FTO: variants seen among roughly 807,000 people sequenced by gnomAD.
FTO encodes the protein alpha-ketoglutarate-dependent dioxygenase FTO.
A neutral mutation model predicts 63.9 loss-of-function variants in FTO; 47 were observed. That is an observed-to-expected ratio of 0.74 (90% CI 0.58 to 0.94). The LOEUF (loss-of-function observed/expected upper bound fraction) is 0.94. Among genes scored for constraint, FTO ranks in the 40% least tolerant of loss-of-function variants. The pLI, the probability that FTO is intolerant of heterozygous loss-of-function variation, is 0.00. For missense variants in FTO, 562 were observed against 618.1 expected (o/e 0.91, Z 0.96); for synonymous variants, 207 against 224.4 (o/e 0.92, Z 0.69).
intron 7 of FTO, among the ~76,000 whole-genome samples, chr16:53,927,108 A>G (rs561556135): frequency 1.3e-5 from 2 of 152,346 alleles, no homozygotes; most frequent in South Asian, 4.2e-4. Flanking sequence ...TTGAAGCAGG[A>G]AAATTAATGA....
chr16:54,058,539 C>T (rs200341660), intron 8 of FTO, among the ~76,000 whole-genome samples: 3 of 152,158 alleles, frequency 2.0e-5, no homozygotes, highest in Admixed American at 2.0e-4. Flanking sequence ...CCAGTAATCC[C>T]GTCAAGAGGT....
At chr16:54,007,337 TG>T (rs1260358719) in intron 8 of FTO, among the ~76,000 whole-genome samples, 1 of 152,004 alleles carries the variant, frequency 6.6e-6, no homozygotes, top group Admixed American at 6.6e-5. Flanking sequence ...CAAAAAAGAA[TG>T]GTCGTGTAGT....
At chr16:53,867,534 T>A (rs2080358092) in intron 4 of FTO, among the ~76,000 whole-genome samples, 1 of 152,078 alleles carries the variant, frequency 6.6e-6, no homozygotes, top group African/African-American at 2.4e-5. Flanking sequence ...TGTGTTTGTG[T>A]GTACCTATGT....
chr16:53,834,375 G>A (rs1462735136), intron 3 of FTO, among the ~76,000 whole-genome samples: 2 of 152,132 alleles, frequency 1.3e-5, no homozygotes, highest in Admixed American at 6.6e-5. Context: ...GAGAACAGTG[G>A]AATAGACTTT....
At chr16:53,971,675 A>G (rs966060511) in intron 8 of FTO, among the ~76,000 whole-genome samples, 3 of 152,196 alleles carry the variant, frequency 2.0e-5, no homozygotes, top group African/African-American at 7.2e-5. Flanking sequence ...GCCTTCCTCT[A>G]GGGGACCCCC....
At chr16:53,771,325 C>A (rs1006776861) in intron 1 of FTO, among the ~76,000 whole-genome samples, 1 of 152,178 alleles carries the variant, frequency 6.6e-6, no homozygotes, top group Non-Finnish European at 1.5e-5. Context: ...TTCCACATTT[C>A]ACCCATCAGC....
In FTO at chr16:53,876,643, C is replaced by T. The variant is rs148392346; in HGVS notation, c.975+2778C>T. 6.4e-3 allele frequency among the ~76,000 whole-genome samples: 976 copies of T among 152,286 alleles called. 13 individuals are homozygous for T. Among genetic ancestry groups the T allele is most frequent in the African/African-American group, 0.022 (908 of 41,572 alleles). On this transcript the variant is annotated intron_variant, in intron 5 of 8. Coordinates refer to ENST00000471389, the MANE Select transcript of FTO (RefSeq NM_001080432.3). The stretch of plus-strand genomic sequence containing the variant: ...GCAAAGGAATCGAATTAACATGTCA[C>T]AGGCTGGGTGCAGTGGCTCATGCCT...
chr16:53,840,625 A>G (rs774129411), intron 3 of FTO, among the ~76,000 whole-genome samples: 10 of 152,220 alleles, frequency 6.6e-5, no homozygotes, highest in Non-Finnish European at 1.0e-4. Flanking sequence ...ATGAATGGGC[A>G]TGACTGTGTT....
At chr16:53,941,082 ACACTGAGGTGT>A (rs2082517823) in intron 8 of FTO, among the ~76,000 whole-genome samples, 1 of 152,220 alleles carries the variant, frequency 6.6e-6, no homozygotes, top group Non-Finnish European at 1.5e-5. Flanking sequence ...ATCAACTAGC[ACACTGAGGTGT>A]TCTCCACCGG....
intron 1 of FTO, among the ~76,000 whole-genome samples, chr16:53,735,951 T>G (rs2076382305): frequency 6.6e-6 from 1 of 152,198 alleles, no homozygotes; most frequent in Admixed American, 6.5e-5. Flanking sequence ...TGCCTCTGCT[T>G]TAGTTTCTTA....
intron 1 of FTO, among the ~76,000 whole-genome samples, chr16:53,728,494 T>C (rs2076201061): frequency 6.6e-6 from 1 of 152,180 alleles, no homozygotes; most frequent in African/African-American, 2.4e-5. Context: ...GGCCCTGGTC[T>C]AAGTTCTAGG....
chr16:53,721,837 TA>T, intron 1 of FTO, among the ~76,000 whole-genome samples: 1 of 152,282 alleles, frequency 6.6e-6, no homozygotes, highest in East Asian at 1.9e-4. Flanking sequence ...TCTGACCCCA[TA>T]TTTTTTTTAA....
chr16:53,835,374 A>C (rs1396333167), intron 3 of FTO, among the ~76,000 whole-genome samples: 1 of 152,136 alleles, frequency 6.6e-6, no homozygotes, highest in Non-Finnish European at 1.5e-5. Flanking sequence ...CATGTCCTAC[A>C]ATGTTTTCTT....
At chr16:54,020,426 C>A (rs2084562611) in intron 8 of FTO, among the ~76,000 whole-genome samples, 1 of 152,192 alleles carries the variant, frequency 6.6e-6, no homozygotes, top group Non-Finnish European at 1.5e-5. Context: ...GAAGCACCTA[C>A]TGTACTTGTG....
At position 54,077,104 on chromosome 16, in the gene FTO, A is replaced by T. The variant is rs111578442; in HGVS notation, c.1365-34658A>T. Reference sequence around the variant, plus strand: ...CTCCAGGCTAAGACTGCCCTCAAAGAAATCTTAAAAATCATGGATTGATTT... The same window carrying T: ...CTCCAGGCTAAGACTGCCCTCAAAGTAATCTTAAAAATCATGGATTGATTT... On this transcript the variant is annotated intron_variant, in intron 8 of 8. Transcript: ENST00000471389. 4.2e-3 allele frequency among the ~76,000 whole-genome samples: 642 copies of T among 152,332 alleles called. 2 individuals are homozygous for T. The highest frequency in any genetic ancestry group is 6.9e-3 in the Non-Finnish European group (468 of 68,028).
Position 53,754,052 on chromosome 16 carries a change from G to A in FTO, c.45+49823G>A, listed in dbSNP as rs538366029. On this transcript the variant is annotated intron_variant, in intron 1 of 8. Transcript: ENST00000471389. ...GGTTTGGAGGTGTTCATGACTTATA[G>A]AAGCCCCACAGTTAGCCCTTTTATG... 2.7e-4 allele frequency among the ~76,000 whole-genome samples: 41 copies of A among 152,286 alleles called. No individual in the cohort carries two copies. The Middle Eastern group carries it at 0.014, about 51-fold the overall frequency.
At chr16:53,966,155 A>G (rs1284516567) in intron 8 of FTO, among the ~76,000 whole-genome samples, 1 of 152,242 alleles carries the variant, frequency 6.6e-6, no homozygotes, top group Non-Finnish European at 1.5e-5. Flanking sequence ...GGTGTGAGCC[A>G]CCATGGCAGC....
intron 1 of FTO, among the ~76,000 whole-genome samples, chr16:53,737,735 A>C (rs2076422806): frequency 6.6e-6 from 1 of 152,120 alleles, no homozygotes; most frequent in South Asian, 2.1e-4. Context: ...TGGCTCCCTT[A>C]GATTAACTTT....
intron 8 of FTO, among the ~76,000 whole-genome samples, chr16:54,100,106 G>A (rs1371214641): frequency 1.3e-5 from 2 of 152,112 alleles, no homozygotes; most frequent in Admixed American, 6.5e-5. Context: ...TTAGGACCAG[G>A]TGCCATTAGG....
Sources: gnomAD v4.1 joint callset for allele counts (sites outside exome capture counted in the v4.1 genomes callset) on GRCh38, gnomAD v4.1.1 for gene constraint, MANE v1.5 for transcripts, NCBI Gene and HGNC (gene_info 2026-07-23, HGNC 2026-07-21) for gene names.